FNDC3B: variants seen among roughly 807,000 people sequenced by gnomAD.
The protein encoded by FNDC3B is fibronectin type III domain containing 3B, also known as fibronectin type III domain-containing protein 3B.
FNDC3B carries 12 observed loss-of-function variants against 151.5 expected under a neutral mutation model. That is an observed-to-expected ratio of 0.08 (90% confidence interval 0.05 to 0.13). The LOEUF (loss-of-function observed/expected upper bound fraction) is 0.13. Ranked by LOEUF, FNDC3B falls within the 10% of genes least tolerant of loss-of-function variation. FNDC3B has a pLI of 1.00. For synonymous variants in FNDC3B, 528 were observed against 549.0 expected, an observed-to-expected ratio of 0.96 and a Z score of 0.54; for missense variants, 1,214 against 1,505.3, an observed-to-expected ratio of 0.81 and a Z score of 3.20.
intron 6 of FNDC3B, among the ~76,000 whole-genome samples, chr3:172,272,293 A>G (rs1203276226): frequency 2.0e-5 from 3 of 152,150 alleles, no homozygotes; most frequent in Non-Finnish European, 4.4e-5. Context: ...AAATTTGGGT[A>G]TTGTCTGTGT....
intron 3 of FNDC3B, among the ~76,000 whole-genome samples, chr3:172,206,978 T>G (rs1465609539): frequency 6.6e-6 from 1 of 152,222 alleles, no homozygotes; most frequent in Non-Finnish European, 1.5e-5. Context: ...TTTGTTTTGC[T>G]TATTTTGTAT....
At chr3:172,242,753 G>C (rs879665472) in intron 4 of FNDC3B, among the ~76,000 whole-genome samples, 6 of 152,196 alleles carry the variant, frequency 3.9e-5, no homozygotes, top group Non-Finnish European at 8.8e-5. Context: ...TTTCCCCATT[G>C]TCTTGCGGAT....
rs370296137 is a variant in FNDC3B at position 172,349,306 on chromosome 3, C to T, written c.2514+1945C>T. 8.6e-5 allele frequency among the ~76,000 whole-genome samples: 13 copies of T among 152,044 alleles called. No individual in the cohort carries two copies. The South Asian group carries it at 1.0e-3, about 12-fold the overall frequency. On this transcript the variant is annotated intron_variant, in intron 21 of 25. Transcript: ENST00000415807. ...AAAAAATAAAAATTTATTATAATAC[C>T]TGTACTGTGTTTTATAGAAATGTGG...
At chr3:172,326,821 C>G (rs1485252308) in intron 11 of FNDC3B, among the ~76,000 whole-genome samples, 1 of 151,234 alleles carries the variant, frequency 6.6e-6, no homozygotes, top group Non-Finnish European at 1.5e-5. Flanking sequence ...TTTTTTTTTA[C>G]TGGCTACAGT....
chr3:172,242,323 A>T (rs1727539509), intron 4 of FNDC3B, among the ~76,000 whole-genome samples: 2 of 152,000 alleles, frequency 1.3e-5, no homozygotes, highest in South Asian at 4.2e-4. Context: ...CCCAGTAGGG[A>T]CTTTGTATGG....
At chr3:172,141,725 C>G (rs963669028) in intron 3 of FNDC3B, among the ~76,000 whole-genome samples, 1 of 152,118 alleles carries the variant, frequency 6.6e-6, no homozygotes, top group Non-Finnish European at 1.5e-5. Flanking sequence ...TGGTTGGCAC[C>G]TGTAATCCCA....
At chr3:172,280,752 T>C (rs1312820625) in intron 6 of FNDC3B, among the ~76,000 whole-genome samples, 1 of 152,200 alleles carries the variant, frequency 6.6e-6, no homozygotes, top group Non-Finnish European at 1.5e-5. Flanking sequence ...AGGAGGATAT[T>C]TTAATTAGTT....
At chr3:172,311,025 G>A in intron 11 of FNDC3B, 144 bp downstream of exon 11, 1 of 647,914 alleles carries the variant, frequency 1.5e-6, no homozygotes, top group Non-Finnish European at 2.7e-6. Flanking sequence ...AATAGTTATT[G>A]ACTATGGAAA....
At chr3:172,069,684 C>G (rs1221167962) in intron 1 of FNDC3B, among the ~76,000 whole-genome samples, 1 of 152,168 alleles carries the variant, frequency 6.6e-6, no homozygotes, top group Non-Finnish European at 1.5e-5. Flanking sequence ...CCAGGTGGCT[C>G]TTGTTTCAGC....
At chr3:172,372,593 A>T (rs1393941732) in intron 23 of FNDC3B, among the ~76,000 whole-genome samples, 1 of 152,150 alleles carries the variant, frequency 6.6e-6, no homozygotes, top group African/African-American at 2.4e-5. Flanking sequence ...GGAGAACTAA[A>T]TGTCTGGCAT....
rs1346852222 is a variant in FNDC3B at position 172,399,235 on chromosome 3, T to TA, written c.*1761dup. The TA allele has an allele frequency of 1.3e-5, 2 of 152,650 alleles. No individual in the cohort carries two copies. Among genetic ancestry groups the TA allele is most frequent in the Non-Finnish European group, 2.9e-5 (2 of 68,038 alleles). 9.5% of individuals were successfully genotyped at this position (152,650 alleles called of 1,614,324 possible). On this transcript the variant is annotated 3_prime_UTR_variant, in exon 26 of 26. Coordinates refer to ENST00000415807, the MANE Select transcript of FNDC3B (RefSeq NM_022763.4). ...TATTGTAAAATTTTTTAAGTGTACT[T>TA]ATGTACTAATTTTCCCTTGTAGCAT...
intron 3 of FNDC3B, among the ~76,000 whole-genome samples, chr3:172,220,716 C>A (rs1010758016): frequency 6.6e-6 from 1 of 151,976 alleles, no homozygotes; most frequent in African/African-American, 2.4e-5. Flanking sequence ...CAAGTTCATT[C>A]TTTTTGTCTA....
chr3:172,172,096 A>G (rs1723311994), intron 3 of FNDC3B, among the ~76,000 whole-genome samples: 1 of 152,220 alleles, frequency 6.6e-6, no homozygotes. Context: ...ATGCTCTGCT[A>G]TCAGCATTCA....
At position 172,056,222 on chromosome 3, in the gene FNDC3B, T is replaced by TA. The variant is rs531578367; in HGVS notation, c.-29+16457dup. On this transcript the variant is annotated intron_variant, in intron 1 of 25. Transcript: ENST00000415807. ...AGACTAATGAAGGACTTTTTTTTTT[T>TA]AAAAAATGTATTTTTAACACAGATT... Among the ~76,000 whole-genome samples, 403 of 150,222 alleles carry TA rather than the reference T, an allele frequency of 2.7e-3. 8 individuals are homozygous for TA. The highest frequency in any genetic ancestry group is 0.021 in the Admixed American group (313 of 15,062).
At chr3:172,075,132 T>TA (rs1178406057) in intron 1 of FNDC3B, among the ~76,000 whole-genome samples, 1 of 152,212 alleles carries the variant, frequency 6.6e-6, no homozygotes, top group Non-Finnish European at 1.5e-5. Context: ...CTATAAATAA[T>TA]ATAGTCCTTA....
intron 3 of FNDC3B, among the ~76,000 whole-genome samples, chr3:172,199,179 ATT>A (rs1407970046): frequency 6.5e-5 from 9 of 138,706 alleles, no homozygotes; most frequent in African/African-American, 2.6e-4. Flanking sequence ...ATTTTATTTT[ATT>A]TTTTATTTTT....
At chr3:172,289,584 C>T (rs1231611915) in intron 7 of FNDC3B, among the ~76,000 whole-genome samples, 2 of 152,248 alleles carry the variant, frequency 1.3e-5, no homozygotes, top group South Asian at 2.1e-4. Flanking sequence ...CCACTTTTCT[C>T]TCTGAAGTTC....
chr3:172,287,387 G>A (rs184446085), intron 7 of FNDC3B, among the ~76,000 whole-genome samples: 3 of 152,306 alleles, frequency 2.0e-5, no homozygotes, highest in Non-Finnish European at 4.4e-5. Flanking sequence ...GCTGAGGAGC[G>A]AGGAGGAACA....
intron 1 of FNDC3B, among the ~76,000 whole-genome samples, chr3:172,085,608 G>A (rs1718513419): frequency 6.6e-6 from 1 of 150,980 alleles, no homozygotes; most frequent in Middle Eastern, 3.4e-3. Context: ...CATCGACATT[G>A]CCTCCATGGC....
Sources: gnomAD v4.1 joint callset for allele counts (sites outside exome capture counted in the v4.1 genomes callset) on GRCh38, gnomAD v4.1.1 for gene constraint, MANE v1.5 for transcripts, NCBI Gene and HGNC (gene_info 2026-07-23, HGNC 2026-07-21) for gene names.